Variants in PRRX1 observed in about 807,000 individuals in gnomAD.
PRRX1 encodes the protein paired mesoderm homeobox protein 1.
Under a neutral mutation model 24.0 loss-of-function variants are expected in PRRX1, and 8 were observed. The observed-to-expected ratio is 0.33, with a 90% CI of 0.20 to 0.60. The LOEUF (loss-of-function observed/expected upper bound fraction) is 0.60, where lower values mean the gene tolerates loss of function less well. Among genes scored for constraint, PRRX1 ranks in the 20% least tolerant of loss-of-function variants. The probability of loss-of-function intolerance (pLI) is 0.82; values close to 1 mark genes in which losing one functional copy is unlikely to be tolerated. For synonymous variants in PRRX1, 160 were observed against 131.7 expected (o/e 1.22, Z -1.47); for missense variants, 281 against 322.4 (o/e 0.87, Z 0.98).
At chr1:170,664,799 G>C (rs1308739056) in intron 1 of PRRX1, among the ~76,000 whole-genome samples, 1 of 152,236 alleles carries the variant, frequency 6.6e-6, no homozygotes, top group Non-Finnish European at 1.5e-5. Context: ...GGCGGGGCTG[G>C]GCTGGGAAAA....
At chr1:170,684,175 G>A (rs753396321) in intron 1 of PRRX1, among the ~76,000 whole-genome samples, 1 of 152,074 alleles carries the variant, frequency 6.6e-6, no homozygotes, top group Non-Finnish European at 1.5e-5. Context: ...ATCACTCAAT[G>A]GTCCCTCGTG....
At chr1:170,680,190 A>T (rs904662159) in intron 1 of PRRX1, among the ~76,000 whole-genome samples, 2 of 152,054 alleles carry the variant, frequency 1.3e-5, no homozygotes, top group African/African-American at 4.8e-5. Flanking sequence ...TTTTTTTCTA[A>T]TGAAGTATAT....
chr1:170,712,196 T>A (rs1654773790), intron 1 of PRRX1, among the ~76,000 whole-genome samples: 1 of 152,176 alleles, frequency 6.6e-6, no homozygotes, highest in Non-Finnish European at 1.5e-5. Flanking sequence ...TTTCTAGATT[T>A]TTTTTCCAAA....
chr1:170,692,758 C>T (rs560035946), intron 1 of PRRX1, among the ~76,000 whole-genome samples: 2 of 151,822 alleles, frequency 1.3e-5, no homozygotes, highest in Non-Finnish European at 2.9e-5. Context: ...CACACACACA[C>T]ACACAGACAC....
chr1:170,720,607 C>G (rs1655050782), intron 2 of PRRX1, among the ~76,000 whole-genome samples: 1 of 152,098 alleles, frequency 6.6e-6, no homozygotes, highest in South Asian at 2.1e-4. Context: ...TTCTCTGTCC[C>G]CTACCTCAGC....
At chr1:170,667,681 A>T (rs1652990500) in intron 1 of PRRX1, 1 of 152,128 alleles carries the variant, frequency 6.6e-6, no homozygotes, top group Admixed American at 6.5e-5. Flanking sequence ...CTCAGGGATG[A>T]AACCAGGAGT....
chr1:170,688,133 A>G (rs1345767640), intron 1 of PRRX1, among the ~76,000 whole-genome samples: 4 of 152,070 alleles, frequency 2.6e-5, no homozygotes, highest in South Asian at 2.1e-4. Flanking sequence ...TGCTATTATT[A>G]TTATTTTTCT....
rs1654999074 is a variant in PRRX1, at chr1:170,719,057, G to A, written c.242-669G>A. Reference sequence around the variant, plus strand: ...CTGTTCTTGGGTTCTCAGGGAGTGAGCCCCAGGCTAATGTTAGCTTGGGTT... The same window carrying A: ...CTGTTCTTGGGTTCTCAGGGAGTGAACCCCAGGCTAATGTTAGCTTGGGTT... On this transcript the variant is annotated intron_variant, in intron 1 of 3. Transcript: ENST00000239461. Among the ~76,000 whole-genome samples the A allele has an allele frequency of 2.6e-5, 4 of 152,168 alleles. No individual in the cohort carries two copies. In the South Asian group the frequency reaches 8.3e-4, roughly 32 times the overall value.
intron 1 of PRRX1, among the ~76,000 whole-genome samples, chr1:170,717,425 A>G (rs1295826130): frequency 6.6e-6 from 1 of 152,242 alleles, no homozygotes; most frequent in East Asian, 1.9e-4. Flanking sequence ...AAGAAGAAAT[A>G]GGCTTTTGAA....
intron 1 of PRRX1, among the ~76,000 whole-genome samples, chr1:170,670,393 C>T (rs1653105767): frequency 6.6e-6 from 1 of 152,166 alleles, no homozygotes; most frequent in Non-Finnish European, 1.5e-5. Flanking sequence ...CAGCAAACGG[C>T]TGCCATGCCT....
chr1:170,699,474 A>G (rs1185172737), intron 1 of PRRX1, among the ~76,000 whole-genome samples: 9 of 152,056 alleles, frequency 5.9e-5, no homozygotes, highest in Non-Finnish European at 8.8e-5. Flanking sequence ...AAATGGCAAG[A>G]AGATGGCTCT....
At chr1:170,702,131 G>A (rs976642945) in intron 1 of PRRX1, among the ~76,000 whole-genome samples, 2 of 152,130 alleles carry the variant, frequency 1.3e-5, no homozygotes, top group Non-Finnish European at 2.9e-5. Context: ...TCACAATAGG[G>A]TTTCTACTCG....
rs531975055 is a variant in PRRX1 at position 170,699,376 on chromosome 1, GA to G, written c.242-20348del. Among the ~76,000 whole-genome samples the G allele has an allele frequency of 2.4e-3, 365 of 151,460 alleles. 5 individuals carry two copies. Among genetic ancestry groups the G allele is most frequent in the African/African-American group, 8.6e-3 (356 of 41,284 alleles). On this transcript the variant is annotated intron_variant, in intron 1 of 3. Coordinates refer to ENST00000239461, the MANE Select transcript of PRRX1 (RefSeq NM_022716.4). Reference sequence around the variant, plus strand: ...AGAGGGGCAAATGTTTACTTCCTTGGAATGAGAATTATTTGAGTTTTTAAAT... The same window carrying G: ...AGAGGGGCAAATGTTTACTTCCTTGGATGAGAATTATTTGAGTTTTTAAAT...
At chr1:170,711,054 CT>C (rs1654729748) in intron 1 of PRRX1, among the ~76,000 whole-genome samples, 1 of 152,158 alleles carries the variant, frequency 6.6e-6, no homozygotes. Flanking sequence ...TTCGACTTTT[CT>C]TATTTTTTAA....
At chr1:170,714,092 T>C (rs754749306) in intron 1 of PRRX1, among the ~76,000 whole-genome samples, 2 of 152,236 alleles carry the variant, frequency 1.3e-5, no homozygotes, top group African/African-American at 2.4e-5. Flanking sequence ...AAGTGACCCA[T>C]GTGCCATTTA....
At chr1:170,666,737 T>C (rs1290552748) in intron 1 of PRRX1, among the ~76,000 whole-genome samples, 1 of 152,012 alleles carries the variant, frequency 6.6e-6, no homozygotes, top group Non-Finnish European at 1.5e-5. Context: ...GGCCCTCAGA[T>C]ACTGCAGGGG....
In PRRX1 at chr1:170,738,782, A is replaced by G. The variant is rs1655703887; in HGVS notation, c.*2596A>G. The G allele has an allele frequency of 4.4e-6, 1 of 227,932 alleles. No individual in the cohort carries two copies. Among genetic ancestry groups the G allele is most frequent in the African/African-American group, 2.2e-5 (1 of 45,088 alleles). The allele number at this position is 227,932 out of a possible 1,614,324, so 14.1% of individuals were successfully genotyped here. On this transcript the variant is annotated 3_prime_UTR_variant, in exon 4 of 4. Coordinates refer to ENST00000239461, the MANE Select transcript of PRRX1 (RefSeq NM_022716.4). ...AATTTTGATTCAGACATCCATTTCC[A>G]GTGGCAAACAGCAAAGCCTGAACCC...
At chr1:170,688,560 G>A (rs1391642313) in intron 1 of PRRX1, among the ~76,000 whole-genome samples, 1 of 152,016 alleles carries the variant, frequency 6.6e-6, no homozygotes, top group East Asian at 1.9e-4. Flanking sequence ...TAAAAGGTAT[G>A]AATATTGACT....
In PRRX1 at chr1:170,736,114, C is replaced by T. The variant is rs2101929462; in HGVS notation, c.666C>T (p.Asn222=). The change falls in exon 4 of 4, where the codon AAC becomes AAT. Residue 222 remains asparagine (N), a synonymous_variant. Transcript: ENST00000239461. ...NSPAQGINMA[N]SIANLRLKAK... is the part of the protein sequence containing the mutation. ...CTGCACAGGGCATCAACATGGCCAACAGCATTGCCAACCTGAGACTGAAGG... is the reference window on the plus strand; with the variant it reads ...CTGCACAGGGCATCAACATGGCCAATAGCATTGCCAACCTGAGACTGAAGG... 6.2e-7 allele frequency: 1 copy of T among 1,614,166 alleles called. No individual in the cohort carries two copies. The highest frequency in any genetic ancestry group is 8.5e-7 in the Non-Finnish European group (1 of 1,179,998).
Sources: gnomAD v4.1 joint callset for allele counts (sites outside exome capture counted in the v4.1 genomes callset) on GRCh38, gnomAD v4.1.1 for gene constraint, MANE v1.5 for transcripts, NCBI Gene and HGNC (gene_info 2026-07-23, HGNC 2026-07-21) for gene names.